The following GRM5 variants were observed in gnomAD, a reference collection of about 807,000 sequenced individuals.
GRM5 encodes the protein glutamate metabotropic receptor 5.
In GRM5, 19 loss-of-function variants were observed where a neutral mutation model predicts 83.1. The observed-to-expected ratio is 0.23, with a 90% CI of 0.16 to 0.34. GRM5 has a LOEUF of 0.34. Ranked by LOEUF, GRM5 falls within the 10% of genes least tolerant of loss-of-function variation. The probability of loss-of-function intolerance (pLI) is 1.00; values close to 1 mark genes in which losing one functional copy is unlikely to be tolerated. For synonymous variants in GRM5, 675 were observed against 633.6 expected, an observed-to-expected ratio of 1.07 and a Z score of -0.98; for missense variants, 1,160 against 1,588.3, an observed-to-expected ratio of 0.73 and a Z score of 4.58.
intron 8 of GRM5, among the ~76,000 whole-genome samples, chr11:88,552,807 AGTCT>A (rs973840004): frequency 1.4e-4 from 21 of 152,172 alleles, no homozygotes; most frequent in African/African-American, 4.8e-4. Flanking sequence ...CATAACTCGT[AGTCT>A]GTCTGGCACT....
At chr11:88,570,322 A>T (rs890098728) in intron 7 of GRM5, among the ~76,000 whole-genome samples, 1 of 151,848 alleles carries the variant, frequency 6.6e-6, no homozygotes, top group Non-Finnish European at 1.5e-5. Context: ...CTCAGACTAA[A>T]TATAACTAAA....
intron 8 of GRM5, among the ~76,000 whole-genome samples, chr11:88,540,547 G>A (rs753980111): frequency 6.6e-6 from 1 of 152,062 alleles, no homozygotes; most frequent in Non-Finnish European, 1.5e-5. Context: ...CAGGGAGAGA[G>A]AAGCAGTTCT....
At chr11:88,631,464 T>C (rs1938968822) in intron 4 of GRM5, among the ~76,000 whole-genome samples, 1 of 152,216 alleles carries the variant, frequency 6.6e-6, no homozygotes, top group Non-Finnish European at 1.5e-5. Context: ...CGATTGTAAG[T>C]GTAAAGTTTT....
At chr11:88,683,100 C>G (rs1027306622) in intron 3 of GRM5, among the ~76,000 whole-genome samples, 1 of 152,144 alleles carries the variant, frequency 6.6e-6, no homozygotes, top group Non-Finnish European at 1.5e-5. Context: ...AATAAAATTT[C>G]TATCCTATTT....
chr11:88,667,212 G>T (rs933794070), intron 3 of GRM5, among the ~76,000 whole-genome samples: 6 of 151,724 alleles, frequency 4.0e-5, no homozygotes, highest in Non-Finnish European at 8.8e-5. Flanking sequence ...ACTGAAACAT[G>T]GAAAAACACA....
At chr11:88,634,970 A>G (rs577725474) in intron 4 of GRM5, among the ~76,000 whole-genome samples, 11 of 152,300 alleles carry the variant, frequency 7.2e-5, no homozygotes, top group Non-Finnish European at 1.0e-4. Context: ...CTGAATCGTT[A>G]TGTAGCACAT....
chr11:89,039,269 T>TAAA (rs202190539), intron 2 of GRM5, among the ~76,000 whole-genome samples: 7 of 145,172 alleles, frequency 4.8e-5, no homozygotes, highest in East Asian at 2.0e-4. Context: ...CGTTTCAAAA[T>TAAA]AAAAAAAAAA....
chr11:89,065,319 G>C (rs1432135086), intron 1 of GRM5, among the ~76,000 whole-genome samples: 1 of 147,712 alleles, frequency 6.8e-6, no homozygotes, highest in East Asian at 2.0e-4. Flanking sequence ...CACAGACAGA[G>C]GGAGAGAGAG....
chr11:88,842,356 G>A (rs957340397), intron 3 of GRM5, among the ~76,000 whole-genome samples: 4 of 152,172 alleles, frequency 2.6e-5, no homozygotes, highest in Non-Finnish European at 4.4e-5. Context: ...GTGAACTGTA[G>A]ATTTCATTCT....
intron 2 of GRM5, among the ~76,000 whole-genome samples, chr11:88,893,762 C>T (rs1412577151): frequency 2.6e-5 from 4 of 151,866 alleles, no homozygotes; most frequent in Non-Finnish European, 5.9e-5. Context: ...CAAGAGGAGC[C>T]CTAGCTGCTG....
intron 3 of GRM5, among the ~76,000 whole-genome samples, chr11:88,842,420 A>G (rs1944220177): frequency 6.6e-6 from 1 of 152,176 alleles, no homozygotes; most frequent in Admixed American, 6.5e-5. Context: ...TCATGGGTTC[A>G]TTTACTCACC....
chr11:88,859,615 G>T (rs1449798156), intron 2 of GRM5, among the ~76,000 whole-genome samples: 1 of 152,080 alleles, frequency 6.6e-6, no homozygotes, highest in Non-Finnish European at 1.5e-5. Flanking sequence ...TAGAAGAGCT[G>T]AAATTTCAAC....
At chr11:88,990,205 A>C (rs1174103859) in intron 2 of GRM5, among the ~76,000 whole-genome samples, 30 of 144,830 alleles carry the variant, frequency 2.1e-4, no homozygotes, top group Admixed American at 2.1e-3. Context: ...ACAGAAATAC[A>C]AACTACCATC....
chr11:89,052,197 A>C (rs1941775867), intron 1 of GRM5, among the ~76,000 whole-genome samples: 1 of 152,224 alleles, frequency 6.6e-6, no homozygotes, highest in South Asian at 2.1e-4. Flanking sequence ...TGAATATGTA[A>C]GGTTGGACTC....
At chr11:88,672,471 A>G (rs1362137003) in intron 3 of GRM5, among the ~76,000 whole-genome samples, 1 of 152,014 alleles carries the variant, frequency 6.6e-6, no homozygotes, top group Non-Finnish European at 1.5e-5. Flanking sequence ...ACAAAGACCT[A>G]TACAAAATGA....
At chr11:88,804,522 T>A in intron 3 of GRM5, among the ~76,000 whole-genome samples, 1 of 151,458 alleles carries the variant, frequency 6.6e-6, no homozygotes, top group East Asian at 1.9e-4. Flanking sequence ...AACATCACAC[T>A]CTGGGGACTG....
chr11:88,874,599 T>C (rs891762182), intron 2 of GRM5, among the ~76,000 whole-genome samples: 1 of 151,806 alleles, frequency 6.6e-6, no homozygotes, highest in African/African-American at 2.4e-5. Context: ...AAGAGAATTA[T>C]ATCAAACTAA....
At chr11:88,590,520 C>A in intron 7 of GRM5, 81 bp downstream of exon 7, 1 of 1,100,782 alleles carries the variant, frequency 9.1e-7, no homozygotes. Context: ...AGATGAGTAA[C>A]GCTTGGGGAT....
chr11:88,685,776 C>T (rs1181183876), intron 3 of GRM5, among the ~76,000 whole-genome samples: 3 of 152,216 alleles, frequency 2.0e-5, no homozygotes, highest in African/African-American at 7.2e-5. Flanking sequence ...TGGCAGCTTC[C>T]ATGTGGTGTT....
Sources: allele counts gnomAD v4.1 joint callset (sites outside exome capture counted in the v4.1 genomes callset), GRCh38; gene constraint gnomAD v4.1.1; transcripts MANE v1.5; gene names NCBI Gene and HGNC (gene_info 2026-07-23, HGNC 2026-07-21).